The following ZNF34 variants were observed in gnomAD, a reference collection of about 807,000 sequenced individuals.
ZNF34 encodes the protein zinc finger protein 34 (KOX 32).
Under a neutral mutation model 14.4 loss-of-function variants are expected in ZNF34, and 8 were observed. The observed-to-expected ratio is 0.55, with a 90% CI of 0.33 to 1.00. ZNF34 has a LOEUF of 1.00. ZNF34 is among the 50% of genes least tolerant of loss of function. The probability of loss-of-function intolerance (pLI) is 0.03; values close to 1 mark genes in which losing one functional copy is unlikely to be tolerated. For synonymous variants in ZNF34, 235 were observed against 247.9 expected, an observed-to-expected ratio of 0.95 and a Z score of 0.49; for missense variants, 538 against 674.2, an observed-to-expected ratio of 0.80 and a Z score of 2.24.
intron 1 of ZNF34, among the ~76,000 whole-genome samples, chr8:144,786,425 G>C (rs1826240769): frequency 6.6e-6 from 1 of 151,898 alleles, no homozygotes. Flanking sequence ...CTTGAGGTCA[G>C]GAGTTCGAGA....
chr8:144,778,025 G>C lies in ZNF34; in HGVS notation c.160+13C>G. On this transcript the variant is annotated intron_variant, in intron 4 of 5. Coordinates refer to ENST00000429371, the MANE Select transcript of ZNF34 (RefSeq NM_001286769.2). ...GGGCTGTTCCCAGAGCTGAGTTCTGGTGAGGGCCTTACCCAGTGAGACTAG... is the reference window on the plus strand; with the variant it reads ...GGGCTGTTCCCAGAGCTGAGTTCTGCTGAGGGCCTTACCCAGTGAGACTAG... 1 of 1,613,636 alleles carries C rather than the reference G, an allele frequency of 6.2e-7. No individual in the cohort carries two copies. The highest frequency in any genetic ancestry group is 8.5e-7 in the Non-Finnish European group (1 of 1,179,746).
Position 144,772,978 on chromosome 8 carries a change from A to T in ZNF34, c.*288T>A, listed in dbSNP as rs1825255614. 1 of 295,118 alleles carries T rather than the reference A, an allele frequency of 3.4e-6. No individual in the cohort carries two copies. Among genetic ancestry groups the T allele is most frequent in the Non-Finnish European group, 6.3e-6 (1 of 159,526 alleles). 18.3% of individuals were successfully genotyped at this position (295,118 alleles called of 1,614,324 possible). A position where few individuals can be genotyped will look rare whatever the true frequency, so the allele number is the denominator to read the frequency against. Reference sequence around the variant, plus strand: ...ACAAGCATTACGGTATTTTCTTTTTAAAATGCTCTCCAGTATGTCTCGAAA... The same window carrying T: ...ACAAGCATTACGGTATTTTCTTTTTTAAATGCTCTCCAGTATGTCTCGAAA... On this transcript the variant is annotated 3_prime_UTR_variant, in exon 6 of 6. Transcript: ENST00000429371.
Position 144,774,590 on chromosome 8 carries a change from G to C in ZNF34, c.296C>G (p.Thr99Ser). The C allele has an allele frequency of 1.9e-6, 3 of 1,611,812 alleles. No individual in the cohort carries two copies. Among genetic ancestry groups the C allele is most frequent in the South Asian group, 1.1e-5 (1 of 90,906 alleles). ...CTGTGAAGTCAACTCCTTGTACTCA[G>C]TTCTGGTCCCAAGAGCTGAAACAAA... ...RVNSPALGTR[T>S]EYKELTSQET... Residue 99 changes from threonine (T) to serine (S), a missense_variant, in exon 6 of 6, where the codon ACT becomes AGT. Coordinates refer to ENST00000429371, the MANE Select transcript of ZNF34 (RefSeq NM_001286769.2).
chr8:144,774,318 TGA>T lies in ZNF34; in HGVS notation c.566_567del (p.Leu189GlnfsTer4). 1.2e-6 allele frequency: 2 copies of T among 1,612,506 alleles called. No individual in the cohort carries two copies. The highest frequency in any genetic ancestry group is 1.7e-6 in the Non-Finnish European group (2 of 1,179,070). On this transcript the variant is annotated frameshift_variant, in exon 6 of 6. Coordinates refer to ENST00000429371, the MANE Select transcript of ZNF34 (RefSeq NM_001286769.2). LOFTEE classifies it low-confidence loss of function (END_TRUNC). ...GACCTGTGTACACGCTTATGGTTGT[TGA>T]GATATGATCTCTGTTCAAAACTTTG... is the stretch of plus-strand genomic sequence containing the variant. ...CEQSFEQRSY[L>X]NNHKRVHRSK...
At position 144,778,721 on chromosome 8, in the gene ZNF34, C is replaced by CT. The variant is rs796264773; in HGVS notation, c.-54-197dup. 4.1e-3 allele frequency among the ~76,000 whole-genome samples: 627 copies of CT among 151,898 alleles called. 2 individuals are homozygous for CT. Among genetic ancestry groups the CT allele is most frequent in the Middle Eastern group, 0.017 (5 of 294 alleles). ...GGGGCTGCCCTCTCCAGCTCCACCT[C>CT]TTTTTTTTCTTTCTTTTTTTTTTAA... On this transcript the variant is annotated intron_variant, in intron 2 of 5. Transcript: ENST00000429371.
At chr8:144,785,106 CAAAAAAAAAAAAAA>C (rs749277788) in intron 1 of ZNF34, among the ~76,000 whole-genome samples, 2 of 50,072 alleles carry the variant, frequency 4.0e-5, no homozygotes, top group Non-Finnish European at 7.8e-5. Context: ...CAGACCCTGC[CAAAAAAAAAAAAAA>C]AAAAAAAAAG....
intron 1 of ZNF34, 80 bp from the exon 2 acceptor site, chr8:144,780,360 A>G (rs1409572138): frequency 3.7e-6 from 4 of 1,069,398 alleles, no homozygotes; most frequent in Non-Finnish European, 5.5e-6. Context: ...TGTGGTAGCT[A>G]TATATCTTTT....
At position 144,773,997 on chromosome 8, in the gene ZNF34, G is replaced by A. The variant is rs781576085; in HGVS notation, c.889C>T (p.Arg297Trp). ...RCDECGKTFTRRPNLMKHQRI... is the reference protein window; with the variant it reads ...RCDECGKTFTWRPNLMKHQRI... ...TGGTGCTTCATGAGGTTGGGCCTCCGGGTGAATGTCTTCCCACACTCGTCA... is the reference window on the plus strand; with the variant it reads ...TGGTGCTTCATGAGGTTGGGCCTCCAGGTGAATGTCTTCCCACACTCGTCA... The change falls in exon 6 of 6, where the codon CGG (arginine) becomes TGG (tryptophan). Residue 297 changes from arginine to tryptophan, a missense_variant. Arg to Trp is a moderately radical substitution (Grantham distance 101). Coordinates refer to ENST00000429371, the MANE Select transcript of ZNF34 (RefSeq NM_001286769.2). The surrounding 1 kb of genome is among the most constrained non-coding windows in gnomAD (Gnocchi z 5.4). The A allele has an allele frequency of 3.3e-5, 53 of 1,613,854 alleles. No homozygotes were observed. The highest frequency in any genetic ancestry group is 1.8e-4 in the Admixed American group (11 of 59,972).
Position 144,773,718 on chromosome 8 carries a change from T to C in ZNF34, c.1168A>G (p.Arg390Gly), listed in dbSNP as rs1207614463. Residue 390 changes from arginine (R) to glycine (G), a missense_variant, in exon 6 of 6, where the codon AGA becomes GGA. Transcript: ENST00000429371. This position sits in a 1 kb window ranked among gnomAD's most constrained non-coding sequence, Gnocchi z 5.4. ...TQSSNLIQHQ[R>G]IHTGEKPYKC... ...TAGGGTTTCTCTCCAGTGTGAATTC[T>C]CTGATGTTGGATAAGGTTAGAACTT... The C allele has an allele frequency of 1.2e-6, 2 of 1,614,114 alleles. No individual in the cohort carries two copies. Among genetic ancestry groups the C allele is most frequent in the Non-Finnish European group, 1.7e-6 (2 of 1,179,962 alleles).
rs1394052962 is a variant in ZNF34 at position 144,777,307 on chromosome 8, C to G, written c.280+151G>C. ...CCAAGGTGCCCAGACTGAGAGGGGT[C>G]ACCTGGGCTTCAGCAAAGGCCACTG... On this transcript the variant is annotated intron_variant, in intron 5 of 5. Transcript: ENST00000429371. The surrounding 1 kb of genome is among the most constrained non-coding windows in gnomAD (Gnocchi z 4.8). 9 of 1,025,628 alleles carry G rather than the reference C, an allele frequency of 8.8e-6. No homozygotes were observed. The highest frequency in any genetic ancestry group is 1.2e-5 in the Non-Finnish European group (9 of 725,802). The allele number at this position is 1,025,628 out of a possible 1,614,324, so 63.5% of individuals were successfully genotyped here.
Position 144,773,285 on chromosome 8 carries a change from CG to C in ZNF34, c.1600del (p.Arg534GlyfsTer43). 1 of 1,609,410 alleles carries C rather than the reference CG, an allele frequency of 6.2e-7. No individual in the cohort carries two copies. The highest frequency in any genetic ancestry group is 8.5e-7 in the Non-Finnish European group (1 of 1,176,462). ...CCACTGTTACATGGAGAAGTCCTCC[CG>C]GAGGTGAATCCGCTGATGCTGACAC... ...NMCQHQRIHL[R>X]EDFSM On this transcript the variant is annotated frameshift_variant, in exon 6 of 6. Coordinates refer to ENST00000429371, the MANE Select transcript of ZNF34 (RefSeq NM_001286769.2). LOFTEE classifies it low-confidence loss of function (END_TRUNC). The surrounding 1 kb of genome is among the most constrained non-coding windows in gnomAD (Gnocchi z 5.4).
In ZNF34 at chr8:144,772,733, T is replaced by C. The variant is rs1825245707; in HGVS notation, c.*533A>G. On this transcript the variant is annotated 3_prime_UTR_variant, in exon 6 of 6. Coordinates refer to ENST00000429371, the MANE Select transcript of ZNF34 (RefSeq NM_001286769.2). ...TTTTGTATTTTTAGTAGAGACGGGG[T>C]TTCACCATGTTGGCCAGGCTGGTCT... Among the ~76,000 whole-genome samples the C allele has an allele frequency of 6.6e-6, 1 of 151,946 alleles. No individual in the cohort carries two copies. The highest frequency in any genetic ancestry group is 1.5e-5 in the Non-Finnish European group (1 of 67,982).
rs997159374 is a variant in ZNF34 at position 144,772,566 on chromosome 8, G to T, written c.*700C>A. On this transcript the variant is annotated 3_prime_UTR_variant, in exon 6 of 6. Transcript: ENST00000429371. ...TGTTTCATTTATTTTTTGAGACAGCGTCTCGCTCTGTCACCCAGGCTGGAG... is the reference window on the plus strand; with the variant it reads ...TGTTTCATTTATTTTTTGAGACAGCTTCTCGCTCTGTCACCCAGGCTGGAG... Among the ~76,000 whole-genome samples, 2 of 152,186 alleles carry T rather than the reference G, an allele frequency of 1.3e-5. No homozygotes were observed. The highest frequency in any genetic ancestry group is 2.9e-5 in the Non-Finnish European group (2 of 68,044).
rs760582025 is a variant in ZNF34 at position 144,773,250 on chromosome 8, G to A, written c.*16C>T. On this transcript the variant is annotated 3_prime_UTR_variant, in exon 6 of 6. Transcript: ENST00000429371. This position sits in a 1 kb window ranked among gnomAD's most constrained non-coding sequence, Gnocchi z 5.4. Reference sequence around the variant, plus strand: ...AAGTGCTCAGCTGGACTCTGCCCTCGGACACCGCGCCACTGTTACATGGAG... The same window carrying A: ...AAGTGCTCAGCTGGACTCTGCCCTCAGACACCGCGCCACTGTTACATGGAG... 14 of 1,581,628 alleles carry A rather than the reference G, an allele frequency of 8.9e-6. No individual in the cohort carries two copies. Among genetic ancestry groups the A allele is most frequent in the Non-Finnish European group, 7.8e-6 (9 of 1,159,964 alleles).
chr8:144,774,710 A>G (rs2958493), intron 5 of ZNF34, 105 bp from the exon 6 acceptor site: 632,907 of 1,381,276 alleles, frequency 0.46, 150,462 homozygotes, highest in East Asian at 0.7. Flanking sequence ...TCATCTCCAA[A>G]GTCCCAACAG....
intron 1 of ZNF34, among the ~76,000 whole-genome samples, chr8:144,783,972 T>G (rs768786801): frequency 6.6e-6 from 1 of 151,766 alleles, no homozygotes; most frequent in Non-Finnish European, 1.5e-5. Context: ...CCATCCTGGC[T>G]AACATGGTGA....
intron 5 of ZNF34, 23 bp from the exon 6 acceptor site, chr8:144,774,628 T>A (rs557729393): frequency 6.3e-7 from 1 of 1,592,130 alleles, no homozygotes; most frequent in South Asian, 1.1e-5. Flanking sequence ...ACAGAACATC[T>A]AAGGGTCACC....
intron 1 of ZNF34, among the ~76,000 whole-genome samples, chr8:144,783,787 AT>A (rs1236952267): frequency 6.6e-6 from 1 of 152,252 alleles, no homozygotes; most frequent in Non-Finnish European, 1.5e-5. Context: ...ATTTTGTGCA[AT>A]TATAATAAAC....
At chr8:144,780,079 C>G in intron 2 of ZNF34, 149 bp downstream of exon 2, 2 of 586,384 alleles carry the variant, frequency 3.4e-6, no homozygotes, top group Admixed American at 5.6e-5. Flanking sequence ...CACCTGTAGT[C>G]CCAGCTACTT....
Sources: allele counts gnomAD v4.1 joint callset (sites outside exome capture counted in the v4.1 genomes callset), GRCh38; gene constraint gnomAD v4.1.1; non-coding constraint Gnocchi (gnomAD v3.1); transcripts MANE v1.5; gene names NCBI Gene and HGNC (gene_info 2026-07-23, HGNC 2026-07-21).